The following EFHD1 variants were observed in gnomAD, a reference collection of about 807,000 sequenced individuals.
EFHD1 encodes the protein EF-hand domain family member D1.
A neutral mutation model predicts 17.2 loss-of-function variants in EFHD1; 10 were observed. That is an observed-to-expected ratio of 0.58 (90% CI 0.36 to 0.99). EFHD1 has a LOEUF of 0.99. Ranked by LOEUF, EFHD1 falls within the 50% of genes least tolerant of loss-of-function variation. The probability of loss-of-function intolerance (pLI) is 0.01; values close to 1 mark genes in which losing one functional copy is unlikely to be tolerated. For missense variants in EFHD1, 310 were observed against 327.5 expected (o/e 0.95, Z 0.41); for synonymous variants, 153 against 142.0 (o/e 1.08, Z -0.55).
intron 1 of EFHD1, chr2:232,650,248 AGGGTCTTTTTAC>A (rs1248459226): frequency 6.6e-6 from 1 of 151,208 alleles, no homozygotes; most frequent in Admixed American, 6.6e-5. Context: ...ACAGGGGTGC[AGGGTCTTTTTAC>A]GGGTAGTTTT....
chr2:232,608,886 C>T (rs886123017), intron 1 of EFHD1, among the ~76,000 whole-genome samples: 140 of 151,296 alleles, frequency 9.3e-4, no homozygotes, highest in African/African-American at 2.9e-3. Flanking sequence ...GCCGGGATCG[C>T]GCCACTGCAC....
intron 1 of EFHD1, among the ~76,000 whole-genome samples, chr2:232,653,730 C>T (rs1694701857): frequency 6.6e-6 from 1 of 152,196 alleles, no homozygotes; most frequent in Non-Finnish European, 1.5e-5. Flanking sequence ...CTCTCCTGCC[C>T]TTCTCCCCTC....
At chr2:232,675,193 G>GAC (rs1695147853) in intron 3 of EFHD1, among the ~76,000 whole-genome samples, 1 of 146,216 alleles carries the variant, frequency 6.8e-6, no homozygotes, top group Non-Finnish European at 1.5e-5. Flanking sequence ...AAAAAAGAGA[G>GAC]AGAGAAAAGA....
rs867243787 is a variant in EFHD1, at chr2:232,678,488, C to T, written c.586-3097C>T. Among the ~76,000 whole-genome samples, 34 of 152,000 alleles carry T rather than the reference C, an allele frequency of 2.2e-4. No homozygotes were observed. In the Middle Eastern group the frequency reaches 0.01, roughly 46 times the overall value. On this transcript the variant is annotated intron_variant, in intron 3 of 3. Coordinates refer to ENST00000264059, the MANE Select transcript of EFHD1 (RefSeq NM_025202.4). The stretch of plus-strand genomic sequence containing the variant: ...ATAAGAAAACAATGCTTCTTTAGCA[C>T]GATAAAAGAATATTGGCCGGGCGCG...
chr2:232,625,572 C>T lies in EFHD1; in HGVS notation c.14+19399C>T, dbSNP rs142065015. On this transcript the variant is annotated intron_variant, in intron 1 of 3. Coordinates refer to the EFHD1 transcript ENST00000409613. Reference sequence around the variant, plus strand: ...TGTAGATAACAAAATATAGAAATGACCTTGAATGTCCACCAACAGGGACAG... The same window carrying T: ...TGTAGATAACAAAATATAGAAATGATCTTGAATGTCCACCAACAGGGACAG... 3.1e-3 allele frequency among the ~76,000 whole-genome samples: 477 copies of T among 151,914 alleles called. 2 individuals carry two copies. The highest frequency in any genetic ancestry group is 0.01 in the African/African-American group (433 of 41,408).
intron 1 of EFHD1, among the ~76,000 whole-genome samples, chr2:232,653,451 C>T (rs778161309): frequency 6.6e-6 from 1 of 152,114 alleles, no homozygotes; most frequent in East Asian, 1.9e-4. Flanking sequence ...CCACCAGGTC[C>T]AGCTAATTTT....
At chr2:232,651,747 C>T (rs1236998888) in intron 1 of EFHD1, among the ~76,000 whole-genome samples, 2 of 152,194 alleles carry the variant, frequency 1.3e-5, no homozygotes, top group Admixed American at 6.5e-5. Flanking sequence ...TCTTGAACCC[C>T]GAAGGCGGAT....
chr2:232,666,457 G>T (rs958065120), intron 2 of EFHD1, among the ~76,000 whole-genome samples: 6 of 152,226 alleles, frequency 3.9e-5, no homozygotes, highest in African/African-American at 1.4e-4. Flanking sequence ...GCTGTGGTGA[G>T]CTCTGGGAAC....
rs762240616 is a variant in EFHD1, at chr2:232,681,582, C to T, written c.586-3C>T. 3.1e-6 allele frequency: 5 copies of T among 1,613,794 alleles called. No individual in the cohort carries two copies. Among genetic ancestry groups the T allele is most frequent in the Middle Eastern group, 1.7e-4 (1 of 6,056 alleles). The stretch of plus-strand genomic sequence containing the variant: ...TTGGTCTATGTCTGCTATTTCTCTG[C>T]AGGTCCAAGCCTTGTCATCGGCCAG... On this transcript the variant is annotated splice_region_variant and splice_polypyrimidine_tract_variant and intron_variant, in intron 3 of 3. Coordinates refer to ENST00000264059, the MANE Select transcript of EFHD1 (RefSeq NM_025202.4).
intron 2 of EFHD1, among the ~76,000 whole-genome samples, chr2:232,670,823 A>G (rs1382059633): frequency 2.6e-5 from 4 of 152,216 alleles, no homozygotes; most frequent in African/African-American, 9.6e-5. Flanking sequence ...TAGAGCTAAA[A>G]TATTTGAAAC....
chr2:232,660,605 G>T (rs1032960761), intron 1 of EFHD1, among the ~76,000 whole-genome samples: 10 of 152,094 alleles, frequency 6.6e-5, no homozygotes, highest in Admixed American at 2.6e-4. Flanking sequence ...AAGTAGCTGG[G>T]ACTACGGGTG....
chr2:232,679,308 C>T (rs1267358787), intron 3 of EFHD1, among the ~76,000 whole-genome samples: 1 of 151,648 alleles, frequency 6.6e-6, no homozygotes, highest in African/African-American at 2.4e-5. Context: ...AGTTAAAAGA[C>T]GAGCAAAAAA....
intron 1 of EFHD1, among the ~76,000 whole-genome samples, chr2:232,660,197 TATTTA>T (rs1559352035): frequency 8.6e-5 from 5 of 57,916 alleles, no homozygotes; most frequent in African/African-American, 3.5e-4. Flanking sequence ...TTTATTTATT[TATTTA>T]TTTTTTTTTT....
At chr2:232,672,193 C>T in intron 2 of EFHD1, 116 bp from the exon 3 acceptor site, 1 of 1,380,470 alleles carries the variant, frequency 7.2e-7, no homozygotes, top group Non-Finnish European at 1.0e-6. Context: ...TTGCCACATG[C>T]ATACATAAAC....
intron 1 of EFHD1, among the ~76,000 whole-genome samples, chr2:232,652,781 T>C (rs1694683867): frequency 6.6e-6 from 1 of 152,076 alleles, no homozygotes; most frequent in African/African-American, 2.4e-5. Context: ...GCAGATAGAA[T>C]AGTGAGATGA....
chr2:232,612,525 C>A (rs2106181708), intron 1 of EFHD1, among the ~76,000 whole-genome samples: 1 of 152,134 alleles, frequency 6.6e-6, no homozygotes, highest in South Asian at 2.1e-4. Flanking sequence ...GAAAAACGGA[C>A]CCCATCATCA....
chr2:232,652,592 A>G (rs1326993842), intron 1 of EFHD1, among the ~76,000 whole-genome samples: 1 of 152,172 alleles, frequency 6.6e-6, no homozygotes, highest in Non-Finnish European at 1.5e-5. Flanking sequence ...CTAAGCTCTC[A>G]GGCAACCATA....
chr2:232,623,142 GC>G (rs1694048952), intron 1 of EFHD1, among the ~76,000 whole-genome samples: 1 of 152,092 alleles, frequency 6.6e-6, no homozygotes, highest in African/African-American at 2.4e-5. Context: ...GACCTCCTGG[GC>G]TCAAACGATC....
chr2:232,638,359 G>T, intron 1 of EFHD1: 2 of 471,164 alleles, frequency 4.2e-6, no homozygotes, highest in South Asian at 3.1e-5. Flanking sequence ...CAAAGAGAGG[G>T]TGGGAAGAGG....
Sources: gnomAD v4.1 joint callset for allele counts (sites outside exome capture counted in the v4.1 genomes callset) on GRCh38, gnomAD v4.1.1 for gene constraint, MANE v1.5 for transcripts, NCBI Gene and HGNC (gene_info 2026-07-23, HGNC 2026-07-21) for gene names.